The following FRMPD4 variants were observed in gnomAD, a reference collection of about 807,000 sequenced individuals.
FRMPD4 encodes the protein FERM and PDZ domain-containing protein 4.
A neutral mutation model predicts 94.1 loss-of-function variants in FRMPD4; 22 were observed. The observed-to-expected ratio is 0.23, with a 90% CI of 0.17 to 0.33. FRMPD4 has a LOEUF of 0.33. Among genes scored for constraint, FRMPD4 ranks in the 10% least tolerant of loss-of-function variants. FRMPD4 has a pLI of 1.00. For synonymous variants in FRMPD4, 631 were observed against 548.6 expected (o/e 1.15, Z -2.10); for missense variants, 1,111 against 1,339.9 (o/e 0.83, Z 2.67).
chrX:12,011,567 C>A (rs1309041797), intron 3 of FRMPD4, among the ~76,000 whole-genome samples: 1 of 111,834 alleles, frequency 8.9e-6, no homozygotes, highest in Admixed American at 9.5e-5. Flanking sequence ...GATGAGAAAC[C>A]AAGCAACCTT....
intron 3 of FRMPD4, among the ~76,000 whole-genome samples, chrX:12,104,603 C>G (rs1047949553): frequency 8.9e-6 from 1 of 112,259 alleles, no homozygotes; most frequent in Non-Finnish European, 1.9e-5. Context: ...AGTTAAAATG[C>G]TTAATTTTAA....
intron 4 of FRMPD4, among the ~76,000 whole-genome samples, chrX:12,665,307 G>T (rs1434500196): frequency 9.0e-6 from 1 of 111,346 alleles, no homozygotes; most frequent in Admixed American, 9.5e-5. Flanking sequence ...AGCCGGGCAT[G>T]GTGGTGGGCA....
In FRMPD4 at chrX:12,550,565, C is replaced by T. The variant is rs766933688; in HGVS notation, c.158+51769C>T. Among the ~76,000 whole-genome samples, 14 of 111,594 alleles carry T rather than the reference C, an allele frequency of 1.3e-4. No homozygotes were observed. The South Asian group carries it at 5.2e-3, about 42-fold the overall frequency. ...CATGCCAAGTGCAAAAACTGTAGTACTGTTTGCAGCTTCAATTTTGAAAGC... is the reference window on the plus strand; with the variant it reads ...CATGCCAAGTGCAAAAACTGTAGTATTGTTTGCAGCTTCAATTTTGAAAGC... On this transcript the variant is annotated intron_variant, in intron 2 of 16. Transcript: ENST00000675598.
intron 3 of FRMPD4, among the ~76,000 whole-genome samples, chrX:12,001,880 C>G (rs778232470): frequency 8.9e-6 from 1 of 112,086 alleles, no homozygotes; most frequent in South Asian, 3.7e-4. Flanking sequence ...GACTTGCCAT[C>G]ATTAACAGGC....
chrX:12,415,720 G>T (rs1224000694), intron 1 of FRMPD4, among the ~76,000 whole-genome samples: 4 of 111,943 alleles, frequency 3.6e-5, no homozygotes, highest in Non-Finnish European at 7.5e-5. Flanking sequence ...GATATATCCA[G>T]AGTCTTCCTG....
chrX:12,378,609 C>A (rs1215684145), intron 1 of FRMPD4, among the ~76,000 whole-genome samples: 6 of 112,143 alleles, frequency 5.4e-5, no homozygotes, highest in African/African-American at 1.9e-4. Flanking sequence ...ATGAAGTGTG[C>A]GCTGTGTGTA....
chrX:12,236,426 T>C (rs1163791081), intron 1 of FRMPD4, among the ~76,000 whole-genome samples: 1 of 111,718 alleles, frequency 9.0e-6, no homozygotes, highest in African/African-American at 3.3e-5. Flanking sequence ...GAGTTCGGGA[T>C]CAAATTAAAA....
chrX:12,566,811 G>C (rs2058716649), intron 2 of FRMPD4, among the ~76,000 whole-genome samples: 1 of 111,418 alleles, frequency 9.0e-6, no homozygotes, highest in Non-Finnish European at 1.9e-5. Context: ...TTTTTGAGGA[G>C]TTTTTGGGGG....
intron 1 of FRMPD4, among the ~76,000 whole-genome samples, chrX:12,375,862 G>A (rs772131271): frequency 1.8e-5 from 2 of 112,168 alleles, no homozygotes; most frequent in Admixed American, 9.4e-5. Context: ...TCTTCCCAGC[G>A]TATTTGGGAA....
chrX:11,930,107 C>CAAAAAAAAAAAAAAAAAAAA lies in FRMPD4; in HGVS notation c.95+52097_95+52116dup, dbSNP rs55973946. 1.5e-4 allele frequency among the ~76,000 whole-genome samples: 2 copies of CAAAAAAAAAAAAAAAAAAAA among 13,256 alleles called. 1 individual carries two copies. The allele number at this position is 13,256 out of a possible 115,157, so 11.5% of individuals were successfully genotyped here. A position where few individuals can be genotyped will look rare whatever the true frequency, so the allele number is the denominator to read the frequency against. On this transcript the variant is annotated intron_variant, in intron 3 of 18. Transcript: ENST00000640291. ...TGGGCAACAGAGTGAGACTCTGTCT[C>CAAAAAAAAAAAAAAAAAAAA]AAAAAAAAAAAAAAAAAAAAAAAAA...
At chrX:12,697,036 C>T (rs1417655420) in intron 9 of FRMPD4, among the ~76,000 whole-genome samples, 1 of 112,225 alleles carries the variant, frequency 8.9e-6, no homozygotes, top group African/African-American at 3.2e-5. Flanking sequence ...GTATTTACAG[C>T]TCAGTGGGAT....
chrX:11,833,468 A>G (rs2053485589), intron 1 of FRMPD4, among the ~76,000 whole-genome samples: 1 of 112,021 alleles, frequency 8.9e-6, no homozygotes. Context: ...CCAGTAAGGA[A>G]TGAGAGTTCC....
At chrX:12,019,267 A>G (rs2054620225) in intron 3 of FRMPD4, among the ~76,000 whole-genome samples, 1 of 108,930 alleles carries the variant, frequency 9.2e-6, no homozygotes, top group Non-Finnish European at 1.9e-5. Flanking sequence ...TTTGTCTCAT[A>G]ATATCTTTCT....
chrX:12,305,730 T>TTTTTTTTTTTTTTTTTTG (rs2054929555), intron 1 of FRMPD4, among the ~76,000 whole-genome samples: 1 of 93,397 alleles, frequency 1.1e-5, no homozygotes, highest in African/African-American at 4.0e-5. Context: ...GCTAAGTTTT[T>TTTTTTTTTTTTTTTTTTG]TTTTTTTTTT....
intron 3 of FRMPD4, among the ~76,000 whole-genome samples, chrX:11,978,118 C>T (rs1452453639): frequency 1.8e-5 from 2 of 108,221 alleles, no homozygotes; most frequent in Admixed American, 9.9e-5. Flanking sequence ...GTAAGGAGAT[C>T]GAGACCATCC....
chrX:12,175,617 G>A (rs1199684160), intron 1 of FRMPD4, among the ~76,000 whole-genome samples: 2 of 112,213 alleles, frequency 1.8e-5, no homozygotes, highest in Non-Finnish European at 3.8e-5. Flanking sequence ...CAGTTCAAGC[G>A]ATTCTGCTGC....
At chrX:11,879,661 A>T (rs753473686) in intron 3 of FRMPD4, among the ~76,000 whole-genome samples, 1 of 111,165 alleles carries the variant, frequency 9.0e-6, no homozygotes, top group South Asian at 3.7e-4. Flanking sequence ...ATATTATTTT[A>T]TATATATAAT....
chrX:12,516,523 C>T (rs1381143602), intron 2 of FRMPD4, among the ~76,000 whole-genome samples: 1 of 111,980 alleles, frequency 8.9e-6, no homozygotes, highest in East Asian at 2.8e-4. Context: ...AATAATGCCC[C>T]CCAATCTCTT....
rs1219885618 is a variant in FRMPD4, at chrX:12,721,761, G to C, written c.5192G>C (p.Gly1731Ala). ...AAEAATGKNP[G>A]DPNVGLSARH... is the part of the protein sequence containing the mutation. ...GAAGCAGCCACTGGAAAGAACCCTG[G>C]GGACCCTAATGTTGGACTCTCGGCG... Residue 1731 changes from glycine (G) to alanine (A), a missense_variant, in exon 17 of 17, where the codon GGG (glycine) becomes GCG (alanine). Gly to Ala is a moderately conservative substitution (Grantham distance 60). Transcript: ENST00000675598. 1 of 754,748 alleles carries C rather than the reference G, an allele frequency of 1.3e-6. No individual in the cohort carries two copies. Among genetic ancestry groups the C allele is most frequent in the Non-Finnish European group, 1.6e-6 (1 of 638,157 alleles). 62.2% of individuals were successfully genotyped at this position (754,748 alleles called of 1,213,427 possible).
Sources: gnomAD v4.1 joint callset for allele counts (sites outside exome capture counted in the v4.1 genomes callset) on GRCh38, gnomAD v4.1.1 for gene constraint, MANE v1.5 for transcripts, NCBI Gene and HGNC (gene_info 2026-07-23, HGNC 2026-07-21) for gene names.